STEAP3: variants seen among roughly 807,000 people sequenced by gnomAD.
STEAP3 encodes metalloreductase STEAP3.
STEAP3 carries 35 observed loss-of-function variants against 34.9 expected under a neutral mutation model. That is an observed-to-expected ratio of 1.00 (90% confidence interval 0.76 to 1.33). The LOEUF (loss-of-function observed/expected upper bound fraction) is 1.33. Among genes scored for constraint, STEAP3 ranks in the 40% most tolerant of loss-of-function variants. The pLI, the probability that STEAP3 is intolerant of heterozygous loss-of-function variation, is 0.00. For missense variants in STEAP3, 652 were observed against 667.6 expected, an observed-to-expected ratio of 0.98 and a Z score of 0.26; for synonymous variants, 281 against 301.6, an observed-to-expected ratio of 0.93 and a Z score of 0.71.
chr2:119,256,958 T>C (rs895350284), intron 5 of STEAP3, among the ~76,000 whole-genome samples: 1 of 152,182 alleles, frequency 6.6e-6, no homozygotes, highest in Non-Finnish European at 1.5e-5. Flanking sequence ...ATTCTTAGGG[T>C]ATCTGGCCAC....
rs1315737074 is a variant in STEAP3, at chr2:119,265,498, A to T, written c.*2160A>T. ...TGGTAAATTCCATGTGCCTCTGGGTACAAAAGTGCCTCAACGACATGCTCT... is the reference window on the plus strand; with the variant it reads ...TGGTAAATTCCATGTGCCTCTGGGTTCAAAAGTGCCTCAACGACATGCTCT... On this transcript the variant is annotated 3_prime_UTR_variant, in exon 6 of 6. Coordinates refer to ENST00000393110, the MANE Select transcript of STEAP3 (RefSeq NM_182915.3). The T allele has an allele frequency of 6.6e-6, 1 of 152,164 alleles. No homozygotes were observed. Among genetic ancestry groups the T allele is most frequent in the African/African-American group, 2.4e-5 (1 of 41,454 alleles). The allele number at this position is 152,164 out of a possible 1,614,324, so 9.4% of individuals were successfully genotyped here.
intron 2 of STEAP3, among the ~76,000 whole-genome samples, chr2:119,240,523 G>T (rs1677216656): frequency 6.6e-6 from 1 of 152,256 alleles, no homozygotes; most frequent in Non-Finnish European, 1.5e-5. Flanking sequence ...AGGCCATGGG[G>T]CTGTGGATGT....
intron 3 of STEAP3, among the ~76,000 whole-genome samples, chr2:119,247,136 G>A (rs1573561593): frequency 6.6e-6 from 1 of 152,126 alleles, no homozygotes; most frequent in African/African-American, 2.4e-5. Context: ...TCAGAGCAGC[G>A]GGCTTCAAGG....
At chr2:119,248,474 C>T (rs552768455) in intron 4 of STEAP3, 11 of 471,018 alleles carry the variant, frequency 2.3e-5, no homozygotes, top group South Asian at 3.6e-5. Context: ...TCATAGTGGG[C>T]GTTGAGAGGA....
intron 1 of STEAP3, among the ~76,000 whole-genome samples, chr2:119,227,055 A>T (rs572572746): frequency 1.3e-5 from 2 of 152,268 alleles, no homozygotes; most frequent in Non-Finnish European, 2.9e-5. Context: ...GCACTCTAAG[A>T]CCAGCTGAGT....
Position 119,254,699 on chromosome 2 carries a change from A to G in STEAP3, c.1066A>G (p.Ser356Gly). The change falls in exon 5 of 6, where the codon AGC becomes GGC. Residue 356 changes from serine to glycine, a missense_variant. Coordinates refer to ENST00000393110, the MANE Select transcript of STEAP3 (RefSeq NM_182915.3). Reference protein sequence around the residue: ...LAVKQVLANKSHLWVEEEVWR... With the variant: ...LAVKQVLANKGHLWVEEEVWR... Reference sequence around the variant, plus strand: ...TCCATGTCAGGTCTTGGCCAACAAGAGCCACCTCTGGGTGGAGGAGGAGGT... The same window carrying G: ...TCCATGTCAGGTCTTGGCCAACAAGGGCCACCTCTGGGTGGAGGAGGAGGT... 6.2e-7 allele frequency: 1 copy of G among 1,614,082 alleles called. No individual in the cohort carries two copies. The highest frequency in any genetic ancestry group is 1.1e-5 in the South Asian group (1 of 91,070).
At chr2:119,232,543 G>A (rs1398055023) in intron 2 of STEAP3, among the ~76,000 whole-genome samples, 3 of 152,200 alleles carry the variant, frequency 2.0e-5, no homozygotes, top group Admixed American at 1.3e-4. Flanking sequence ...TGCTGTAGGG[G>A]AGGCCCGGAG....
intron 5 of STEAP3, among the ~76,000 whole-genome samples, chr2:119,261,363 AC>A (rs1013605479): frequency 2.0e-5 from 3 of 151,966 alleles, no homozygotes; most frequent in African/African-American, 7.3e-5. Flanking sequence ...CTTAAATTAC[AC>A]CCTCGCAATG....
chr2:119,248,407 C>T (rs1030423959), intron 4 of STEAP3: 18 of 640,580 alleles, frequency 2.8e-5, no homozygotes, highest in African/African-American at 2.2e-4. Context: ...GATGAAAATT[C>T]CTGCCCCCAT....
intron 5 of STEAP3, among the ~76,000 whole-genome samples, chr2:119,258,851 T>C (rs571498746): frequency 6.6e-6 from 1 of 150,846 alleles, no homozygotes; most frequent in Admixed American, 6.6e-5. Flanking sequence ...CTCAATCTCC[T>C]GACCTCATGA....
Position 119,225,163 on chromosome 2 carries a change from C to T in STEAP3, c.-394+1275C>T, listed in dbSNP as rs528737282. Among the ~76,000 whole-genome samples the T allele has an allele frequency of 1.1e-4, 16 of 152,316 alleles. No individual in the cohort carries two copies. The East Asian group carries it at 2.9e-3, about 28-fold the overall frequency. ...AAAATATAGATCCCCAAGTCCCATC[C>T]GAAGCTGACTGAATCAGCTAGGGGC... On this transcript the variant is annotated intron_variant, in intron 1 of 5. Transcript: ENST00000393110.
Position 119,248,094 on chromosome 2 carries a change from A to G in STEAP3, c.938A>G (p.Lys313Arg). The change falls in exon 4 of 6, where the codon AAG becomes AGG. Residue 313 changes from lysine (K) to arginine (R), a missense_variant. By Grantham distance (26) the Lys-to-Arg change is conservative. Coordinates refer to ENST00000393110, the MANE Select transcript of STEAP3 (RefSeq NM_182915.3). The part of the protein sequence containing the change: ...DWLDHWLQHR[K>R]QIGLLSFFCA... ...CTGGACCACTGGCTACAGCACCGCA[A>G]GCAGATCGGGCTGCTCAGCTTCTTC... 6.2e-7 allele frequency: 1 copy of G among 1,608,600 alleles called. No homozygotes were observed. Among genetic ancestry groups the G allele is most frequent in the South Asian group, 1.1e-5 (1 of 91,082 alleles).
At chr2:119,246,079 TATC>T in intron 3 of STEAP3, 91 bp downstream of exon 3, 1 of 1,467,896 alleles carries the variant, frequency 6.8e-7, no homozygotes, top group Non-Finnish European at 9.2e-7. Context: ...TTTGATATGT[TATC>T]ATAACTAATC....
At chr2:119,250,780 A>T (rs1677600828) in intron 4 of STEAP3, among the ~76,000 whole-genome samples, 1 of 152,108 alleles carries the variant, frequency 6.6e-6, no homozygotes, top group African/African-American at 2.4e-5. Context: ...CCTGATGCAA[A>T]TACCAGGGCA....
intron 5 of STEAP3, chr2:119,257,575 G>A (rs1011678189): frequency 1.3e-6 from 2 of 1,542,614 alleles, no homozygotes; most frequent in Non-Finnish European, 8.8e-7. Context: ...GGCCCTCGGA[G>A]CTTCTGCTGC....
chr2:119,246,065 T>G, intron 3 of STEAP3, 77 bp downstream of exon 3: 1 of 1,518,398 alleles, frequency 6.6e-7, no homozygotes, highest in South Asian at 1.3e-5. Context: ...GCCAGCATGC[T>G]CTTTTTGATA....
At chr2:119,234,146 T>G (rs1677021352) in intron 2 of STEAP3, among the ~76,000 whole-genome samples, 1 of 151,218 alleles carries the variant, frequency 6.6e-6, no homozygotes, top group African/African-American at 2.4e-5. Flanking sequence ...CTGAGCTGCC[T>G]CTGTGTGTCT....
chr2:119,225,014 A>G (rs1294505731), intron 1 of STEAP3, among the ~76,000 whole-genome samples: 1 of 152,230 alleles, frequency 6.6e-6, no homozygotes, highest in Non-Finnish European at 1.5e-5. Flanking sequence ...CACTGGGGCG[A>G]AACAGGCTGT....
chr2:119,254,333 G>A (rs1677711318), intron 4 of STEAP3, among the ~76,000 whole-genome samples: 1 of 152,074 alleles, frequency 6.6e-6, no homozygotes, highest in South Asian at 2.1e-4. Context: ...CTGATTGGCT[G>A]CCCCGGGGCA....
Sources: gnomAD v4.1 joint callset for allele counts (sites outside exome capture counted in the v4.1 genomes callset) on GRCh38, gnomAD v4.1.1 for gene constraint, MANE v1.5 for transcripts, NCBI Gene and HGNC (gene_info 2026-07-23, HGNC 2026-07-21) for gene names.